Variants in BMP1 observed in about 807,000 individuals in gnomAD.
BMP1 encodes bone morphogenetic protein 1.
In BMP1, 63 loss-of-function variants were observed where a neutral mutation model predicts 116.8. That is an observed-to-expected ratio of 0.54 (90% confidence interval 0.44 to 0.67). BMP1 has a LOEUF of 0.67. BMP1 is among the 30% of genes least tolerant of loss of function. The pLI is 0.00. For synonymous variants in BMP1, 536 were observed against 533.4 expected, an observed-to-expected ratio of 1.00 and a Z score of -0.07; for missense variants, 1,183 against 1,358.9, an observed-to-expected ratio of 0.87 and a Z score of 2.04.
intron 8 of BMP1, among the ~76,000 whole-genome samples, chr8:22,182,638 T>C (rs1051926028): frequency 1.3e-5 from 2 of 152,254 alleles, no homozygotes; most frequent in Non-Finnish European, 2.9e-5. Flanking sequence ...ACCTGCCTTG[T>C]TTTCAGTGAA....
chr8:22,181,951 C>T (rs1416047574), intron 8 of BMP1, among the ~76,000 whole-genome samples: 1 of 152,174 alleles, frequency 6.6e-6, no homozygotes, highest in Non-Finnish European at 1.5e-5. Flanking sequence ...ATAACTCACT[C>T]CCTCTTTCCC....
rs1444950974 is a variant in BMP1, at chr8:22,196,034, G to A, written c.1765+447G>A. 4 of 368,820 alleles carry A rather than the reference G, an allele frequency of 1.1e-5. 1 individual carries two copies. The highest frequency in any genetic ancestry group is 6.0e-5 in the South Asian group (3 of 49,634). 22.8% of individuals were successfully genotyped at this position (368,820 alleles called of 1,614,324 possible). A position where few individuals can be genotyped will look rare whatever the true frequency, so the allele number is the denominator to read the frequency against. On this transcript the variant is annotated intron_variant, in intron 13 of 19. Transcript: ENST00000306385. ...CATAGCTCATGGATAAGAAACACATGTCACATTGCAACCCCGAGAACACAC... is the reference window on the plus strand; with the variant it reads ...CATAGCTCATGGATAAGAAACACATATCACATTGCAACCCCGAGAACACAC...
chr8:22,199,261 C>G (rs768144782), intron 15 of BMP1: 2 of 1,367,368 alleles, frequency 1.5e-6, no homozygotes, highest in Non-Finnish European at 9.8e-7. Context: ...TCTGGCCCCC[C>G]AGGAGGGGAG....
chr8:22,178,082 C>A, intron 6 of BMP1, 125 bp downstream of exon 6: 1 of 767,516 alleles, frequency 1.3e-6, no homozygotes, highest in Non-Finnish European at 2.1e-6. Context: ...CTCTGGGGGG[C>A]TGTGGCCTCC....
Position 22,206,939 on chromosome 8 carries a change from C to T in BMP1, c.2319C>T (p.Cys773=), listed in dbSNP as rs765352702. Residue 773 remains cysteine, a synonymous_variant, in exon 17 of 20, where the codon TGC becomes TGT. Coordinates refer to ENST00000306385, the MANE Select transcript of BMP1 (RefSeq NM_006129.5). ...ACAAGTATCCCAGCAAGAAGGAGTGCACGTGGGCCATCTCCAGCACCCCCG... is the reference window on the plus strand; with the variant it reads ...ACAAGTATCCCAGCAAGAAGGAGTGTACGTGGGCCATCTCCAGCACCCCCG... The part of the protein sequence containing the change: ...WPDKYPSKKE[C]TWAISSTPGH... 6.2e-6 allele frequency: 10 copies of T among 1,614,084 alleles called. No individual in the cohort carries two copies. Among genetic ancestry groups the T allele is most frequent in the Non-Finnish European group, 8.5e-6 (10 of 1,180,028 alleles).
intron 1 of BMP1, chr8:22,169,201 A>C (rs1020574513): frequency 6.6e-6 from 1 of 151,996 alleles, no homozygotes; most frequent in African/African-American, 2.4e-5. Context: ...AAAAAAAAAA[A>C]AATCTAGTTT....
rs533114258 is a variant in BMP1, at chr8:22,183,534, G to A, written c.1077+3051G>A. Among the ~76,000 whole-genome samples, 7 of 152,006 alleles carry A rather than the reference G, an allele frequency of 4.6e-5. No individual in the cohort carries two copies. The East Asian group carries it at 5.8e-4, about 13-fold the overall frequency. ...CCATCCTTGGGAAATCTCACCCACC[G>A]ATAATAATAGCAATAACTAACAATG... On this transcript the variant is annotated intron_variant, in intron 8 of 19. Coordinates refer to ENST00000306385, the MANE Select transcript of BMP1 (RefSeq NM_006129.5).
Position 22,194,777 on chromosome 8 carries a change from C to T in BMP1, c.1497C>T (p.His499=). 6.2e-7 allele frequency: 1 copy of T among 1,613,782 alleles called. No individual in the cohort carries two copies. The highest frequency in any genetic ancestry group is 8.5e-7 in the Non-Finnish European group (1 of 1,179,884). The change falls in exon 12 of 20, where the codon CAC becomes CAT. Residue 499 remains histidine, a synonymous_variant. Transcript: ENST00000306385. This position sits in a 1 kb window ranked among gnomAD's most constrained non-coding sequence, Gnocchi z 4.5. ...ACTATCTGGAGGTGCGCGACGGGCA[C>T]AGTGAGAGCAGCACCCTCATCGGGC... The part of the protein sequence containing the change: ...AYDYLEVRDG[H]SESSTLIGRY...
chr8:22,201,155 C>A (rs763277479), intron 15 of BMP1: 1 of 1,613,516 alleles, frequency 6.2e-7, no homozygotes, highest in Non-Finnish European at 8.5e-7. Flanking sequence ...GGGGACGCCC[C>A]CACCAGCTCA....
rs756238353 is a variant in BMP1 at position 22,196,663 on chromosome 8, C to T, written c.1766-17C>T. On this transcript the variant is annotated splice_polypyrimidine_tract_variant and intron_variant, in intron 13 of 19. Transcript: ENST00000306385. ...AGGGGCTCCCCGCAGACGATGCCACCTTCCTTGTCCCCGCAGCTGCTTGTG... is the reference window on the plus strand; with the variant it reads ...AGGGGCTCCCCGCAGACGATGCCACTTTCCTTGTCCCCGCAGCTGCTTGTG... 9 of 1,613,724 alleles carry T rather than the reference C, an allele frequency of 5.6e-6. No homozygotes were observed. In the East Asian group the frequency reaches 8.9e-5, roughly 16 times the overall value.
chr8:22,170,720 C>G (rs941192780), intron 1 of BMP1: 3 of 151,960 alleles, frequency 2.0e-5, no homozygotes, highest in African/African-American at 7.3e-5. Flanking sequence ...TTTGGGAGGC[C>G]AAGGCAGGAG....
chr8:22,196,729 G>A lies in BMP1; in HGVS notation c.1815G>A (p.Pro605=), dbSNP rs371413205. ...LTKLNGSITS[P]GWPKEYPPNK... is the part of the protein sequence containing the mutation. ...AGCTCAACGGCTCCATCACCAGCCC[G>A]GGCTGGCCCAAGGAGTACCCCCCCA... Residue 605 remains proline, a synonymous_variant, in exon 14 of 20, where the codon CCG becomes CCA. Transcript: ENST00000306385. 67 of 1,613,946 alleles carry A rather than the reference G, an allele frequency of 4.2e-5. No homozygotes were observed. Among genetic ancestry groups the A allele is most frequent in the East Asian group, 1.8e-4 (8 of 44,858 alleles).
rs192138227 is a variant in BMP1 at position 22,208,937 on chromosome 8, C to G, written c.2576-508C>G. On this transcript the variant is annotated intron_variant, in intron 18 of 19. Transcript: ENST00000306385. ...GCCCCATGCACTGTCCTCTGCCCTT[C>G]CCAGCACAGGGTCACAAACCGGAGG... Among the ~76,000 whole-genome samples the G allele has an allele frequency of 2.3e-3, 343 of 152,352 alleles. 3 individuals carry two copies. The highest frequency in any genetic ancestry group is 2.2e-3 in the Non-Finnish European group (150 of 68,038).
chr8:22,207,509 C>A lies in BMP1; in HGVS notation c.2568C>A (p.His856Gln). 6.2e-7 allele frequency: 1 copy of A among 1,613,306 alleles called. No individual in the cohort carries two copies. The highest frequency in any genetic ancestry group is 8.5e-7 in the Non-Finnish European group (1 of 1,180,002). ...SVQRKGFQAS[H>Q]ATECGGQVRA... ...AGCGAAAGGGCTTCCAGGCCTCCCA[C>A]GCCACAGGTACTGTCCCCGGTTGTG... Residue 856 changes from histidine to glutamine, a missense_variant, in exon 18 of 20, where the codon CAC (histidine) becomes CAA (glutamine). Coordinates refer to ENST00000306385, the MANE Select transcript of BMP1 (RefSeq NM_006129.5).
chr8:22,176,407 C>A, intron 3 of BMP1, 94 bp downstream of exon 3: 2 of 1,546,066 alleles, frequency 1.3e-6, no homozygotes, highest in Non-Finnish European at 1.8e-6. Context: ...GTGCCACCTG[C>A]AGCCCGAGTG....
At chr8:22,195,844 T>C (rs531584257) in intron 13 of BMP1, among the ~76,000 whole-genome samples, 1 of 152,104 alleles carries the variant, frequency 6.6e-6, no homozygotes, top group Non-Finnish European at 1.5e-5. Context: ...CAATGAGGTC[T>C]TACTTTGTTG....
At chr8:22,177,676 C>T (rs970094887) in intron 5 of BMP1, 176 bp from the exon 6 acceptor site, 2 of 765,272 alleles carry the variant, frequency 2.6e-6, no homozygotes, top group Admixed American at 3.4e-5. Context: ...GGACAGGACT[C>T]TTCCTGAGAC....
In BMP1 at chr8:22,183,610, A is replaced by G. The variant is rs191929536; in HGVS notation, c.1077+3127A>G. Among the ~76,000 whole-genome samples, 155 of 150,430 alleles carry G rather than the reference A, an allele frequency of 1.0e-3. 3 individuals carry two copies. The highest frequency in any genetic ancestry group is 4.0e-4 in the Non-Finnish European group (27 of 67,720). ...GTGTTAAATTATTATTATTATTATTATTATTATTATTATTGAGACGTGTTT... is the reference window on the plus strand; with the variant it reads ...GTGTTAAATTATTATTATTATTATTGTTATTATTATTATTGAGACGTGTTT... On this transcript the variant is annotated intron_variant, in intron 8 of 19. Coordinates refer to ENST00000306385, the MANE Select transcript of BMP1 (RefSeq NM_006129.5).
At chr8:22,178,076 G>T in intron 6 of BMP1, 119 bp downstream of exon 6, 1 of 801,302 alleles carries the variant, frequency 1.2e-6, no homozygotes. Flanking sequence ...GTGGCCCTCT[G>T]GGGGGCTGTG....
Sources: gnomAD v4.1 joint callset for allele counts (sites outside exome capture counted in the v4.1 genomes callset) on GRCh38, gnomAD v4.1.1 for gene constraint, Gnocchi (gnomAD v3.1) non-coding constraint, MANE v1.5 for transcripts, NCBI Gene and HGNC (gene_info 2026-07-23, HGNC 2026-07-21) for gene names.